STEAP2: variants seen among roughly 807,000 people sequenced by gnomAD.
The protein encoded by STEAP2 is metalloreductase STEAP2.
In STEAP2, 30 loss-of-function variants were observed where a neutral mutation model predicts 46.4. That is an observed-to-expected ratio of 0.65 (90% CI 0.48 to 0.88). STEAP2 has a LOEUF of 0.88. Ranked by LOEUF, STEAP2 falls within the 40% of genes least tolerant of loss-of-function variation. The pLI is 0.00. For synonymous variants in STEAP2, 180 were observed against 200.5 expected (o/e 0.90, Z 0.86); for missense variants, 513 against 579.3 (o/e 0.89, Z 1.18).
intron 2 of STEAP2, among the ~76,000 whole-genome samples, chr7:90,219,140 G>T (rs1051292180): frequency 6.6e-6 from 1 of 151,826 alleles, no homozygotes; most frequent in Non-Finnish European, 1.5e-5. Context: ...TTTGTATCCT[G>T]CAACTTTATT....
In STEAP2 at chr7:90,227,077, A is replaced by G. The variant is rs1795524496; in HGVS notation, c.599A>G (p.Glu200Gly). 2 of 1,613,672 alleles carry G rather than the reference A, an allele frequency of 1.2e-6. No homozygotes were observed. The highest frequency in any genetic ancestry group is 1.7e-6 in the Non-Finnish European group (2 of 1,179,854). ...IDLGSLSSAR[E>G]IENLPLRLFT... ...TTGGGATCCTTATCATCAGCCAGAG[A>G]GATTGAAAATTTACCCCTACGACTC... Residue 200 changes from glutamate to glycine, a missense_variant, in exon 4 of 6, where the codon GAG (glutamate) becomes GGG (glycine). Coordinates refer to ENST00000394621, the MANE Select transcript of STEAP2 (RefSeq NM_001244944.2).
At position 90,225,299 on chromosome 7, in the gene STEAP2, G is replaced by GTGGT; in HGVS notation, c.218_221dup (p.Asp75GlyfsTer7). ...GTTTGCTTCTGAATTTTTTCCTCAT[G>GTGGT]TGGTAGATGTCACTCATCATGAAGA... On this transcript the variant is annotated frameshift_variant, in exon 3 of 6. Coordinates refer to ENST00000394621, the MANE Select transcript of STEAP2 (RefSeq NM_001244944.2). LOFTEE classifies it high-confidence loss of function. 6.2e-7 allele frequency: 1 copy of GTGGT among 1,614,002 alleles called. No individual in the cohort carries two copies. Among genetic ancestry groups the GTGGT allele is most frequent in the Non-Finnish European group, 8.5e-7 (1 of 1,179,960 alleles).
In STEAP2 at chr7:90,227,276, G is replaced by T; in HGVS notation, c.798G>T (p.Leu266Phe). The T allele has an allele frequency of 6.2e-7, 1 of 1,613,768 alleles. No individual in the cohort carries two copies. Among genetic ancestry groups the T allele is most frequent in the Non-Finnish European group, 8.5e-7 (1 of 1,179,812 alleles). The change falls in exon 4 of 6, where the codon TTG becomes TTT. Residue 266 changes from leucine to phenylalanine, a missense_variant. Physicochemically the swap from Leu to Phe is conservative, Grantham distance 22. Coordinates refer to ENST00000394621, the MANE Select transcript of STEAP2 (RefSeq NM_001244944.2). Reference sequence around the variant, plus strand: ...CCTTACCTATAGTTGCCATTACTTTGCTCTCCCTAGTATACCTCGCAGGTC... The same window carrying T: ...CCTTACCTATAGTTGCCATTACTTTTCTCTCCCTAGTATACCTCGCAGGTC... ...NKTLPIVAIT[L>F]LSLVYLAGLL...
chr7:90,233,777 G>A lies in STEAP2; in HGVS notation c.*1153G>A, dbSNP rs947737083. The A allele has an allele frequency of 7.1e-6, 7 of 985,194 alleles. No individual in the cohort carries two copies. Among genetic ancestry groups the A allele is most frequent in the South Asian group, 4.7e-5 (1 of 21,280 alleles). 61.0% of individuals were successfully genotyped at this position (985,194 alleles called of 1,614,324 possible). A position where few individuals can be genotyped will look rare whatever the true frequency, so the allele number is the denominator to read the frequency against. On this transcript the variant is annotated 3_prime_UTR_variant, in exon 6 of 6. Coordinates refer to ENST00000394621, the MANE Select transcript of STEAP2 (RefSeq NM_001244944.2). ...ACCACTAGGCTCTAGAGCTCCCGCC[G>A]CGCCCCTATGCATTATGTTCACAAT...
intron 3 of STEAP2, 30 bp downstream of exon 3, chr7:90,225,604 A>G (rs1795455561): frequency 2.6e-6 from 4 of 1,529,142 alleles, no homozygotes; most frequent in East Asian, 2.3e-5. Flanking sequence ...ATTCTTATGT[A>G]TCTGGTATTT....
At chr7:90,217,639 T>G (rs1795076485) in intron 2 of STEAP2, among the ~76,000 whole-genome samples, 2 of 151,620 alleles carry the variant, frequency 1.3e-5, no homozygotes, top group Admixed American at 1.3e-4. Flanking sequence ...ATACCACATT[T>G]TCTTTATCCA....
rs1211454301 is a variant in STEAP2 at position 90,227,314 on chromosome 7, C to T, written c.836C>T (p.Ala279Val). The T allele has an allele frequency of 1.2e-6, 2 of 1,613,898 alleles. No homozygotes were observed. Among genetic ancestry groups the T allele is most frequent in the Non-Finnish European group, 1.7e-6 (2 of 1,179,842 alleles). ...LVYLAGLLAA[A>V]YQLYYGTKYR... is the part of the protein sequence containing the mutation. ...TACCTCGCAGGTCTTCTGGCAGCTG[C>T]TTATCAACTTTATTACGGCACCAAG... The change falls in exon 4 of 6, where the codon GCT becomes GTT. Residue 279 changes from alanine to valine, a missense_variant. Physicochemically the swap from Ala to Val is moderately conservative, Grantham distance 64 (BLOSUM62 0). Coordinates refer to ENST00000394621, the MANE Select transcript of STEAP2 (RefSeq NM_001244944.2).
intron 5 of STEAP2, among the ~76,000 whole-genome samples, chr7:90,230,731 C>T (rs751838073): frequency 3.9e-5 from 6 of 151,924 alleles, no homozygotes; most frequent in African/African-American, 7.2e-5. Context: ...TAGACCCTTC[C>T]TATATTTTCA....
Position 90,227,086 on chromosome 7 carries a change from A to C in STEAP2, c.608A>C (p.Asn203Thr). Residue 203 changes from asparagine to threonine, a missense_variant, in exon 4 of 6, where the codon AAT (asparagine) becomes ACT (threonine). Physicochemically the swap from Asn to Thr is moderately conservative, Grantham distance 65 (BLOSUM62 0). Coordinates refer to ENST00000394621, the MANE Select transcript of STEAP2 (RefSeq NM_001244944.2). ...GSLSSAREIE[N>T]LPLRLFTLWR... Reference sequence around the variant, plus strand: ...TTATCATCAGCCAGAGAGATTGAAAATTTACCCCTACGACTCTTTACTCTC... The same window carrying C: ...TTATCATCAGCCAGAGAGATTGAAACTTTACCCCTACGACTCTTTACTCTC... 6.2e-7 allele frequency: 1 copy of C among 1,613,744 alleles called. No individual in the cohort carries two copies. Among genetic ancestry groups the C allele is most frequent in the South Asian group, 1.1e-5 (1 of 91,058 alleles).
In STEAP2 at chr7:90,225,087, A is replaced by G. The variant is rs1417443737; in HGVS notation, c.5A>G (p.Glu2Gly). The change falls in exon 3 of 6, where the codon GAA (glutamate) becomes GGA (glycine). Residue 2 changes from glutamate (E) to glycine (G), a missense_variant. Glu to Gly is a moderately conservative substitution (Grantham distance 98, BLOSUM62 -2). Coordinates refer to ENST00000394621, the MANE Select transcript of STEAP2 (RefSeq NM_001244944.2). M[E>G]SISMMGSPKS... is the part of the protein sequence containing the mutation. ...GATCTTGGAAGTGTCCGTATCATGG[A>G]ATCAATCTCTATGATGGGAAGCCCT... 2 of 1,612,942 alleles carry G rather than the reference A, an allele frequency of 1.2e-6. No homozygotes were observed. Among genetic ancestry groups the G allele is most frequent in the African/African-American group, 1.3e-5 (1 of 74,986 alleles).
chr7:90,214,763 GTTTAGAATTATCAGTGTGAATA>G (rs1473102970), intron 1 of STEAP2, among the ~76,000 whole-genome samples: 1 of 152,142 alleles, frequency 6.6e-6, no homozygotes, highest in East Asian at 1.9e-4. Context: ...TTCTTTTGCT[GTTTAGAATTATCAGTGTGAATA>G]TTTAAACTAA....
In STEAP2 at chr7:90,230,298, GA is replaced by G. The variant is rs146827619; in HGVS notation, c.1185+272del. On this transcript the variant is annotated intron_variant, in intron 5 of 5. Coordinates refer to ENST00000394621, the MANE Select transcript of STEAP2 (RefSeq NM_001244944.2). ...AGAACAAAAAAGTTATCTTAAAAGAGAAAAAAAAAATGAAAGTTGGGAAGGA... is the reference window on the plus strand; with the variant it reads ...AGAACAAAAAAGTTATCTTAAAAGAGAAAAAAAAATGAAAGTTGGGAAGGA... Among the ~76,000 whole-genome samples the G allele has an allele frequency of 9.1e-3, 1,322 of 145,890 alleles. 21 individuals carry two copies. The highest frequency in any genetic ancestry group is 0.031 in the African/African-American group (1,243 of 39,944).
chr7:90,213,291 G>C (rs566761152), intron 1 of STEAP2, among the ~76,000 whole-genome samples: 2 of 152,254 alleles, frequency 1.3e-5, no homozygotes, highest in South Asian at 4.2e-4. Flanking sequence ...TGGAAAATGT[G>C]GTGAATGAAC....
chr7:90,232,358 C>G lies in STEAP2; in HGVS notation c.1207C>G (p.Leu403Val), dbSNP rs1270587562. ...CAAGTCTACACTTGGATATGTCGCT[C>G]TGCTCATAAGTACTTTCCATGTTTT... ...FIQSTLGYVA[L>V]LISTFHVLIY... Residue 403 changes from leucine (L) to valine (V), a missense_variant, in exon 6 of 6, where the codon CTG becomes GTG. Transcript: ENST00000394621. 6.2e-7 allele frequency: 1 copy of G among 1,607,882 alleles called. No homozygotes were observed. Among genetic ancestry groups the G allele is most frequent in the East Asian group, 2.2e-5 (1 of 44,824 alleles).
chr7:90,214,648 G>C (rs531643729), intron 1 of STEAP2, among the ~76,000 whole-genome samples: 11 of 151,874 alleles, frequency 7.2e-5, no homozygotes, highest in African/African-American at 2.7e-4. Flanking sequence ...ATCTTTTTAA[G>C]GGAGTGACTA....
chr7:90,233,421 G>A lies in STEAP2; in HGVS notation c.*797G>A. ...TACCAATCCTAGGAACTGTATACTA[G>A]TTCCTACTTAGAACAAAAGTATCAA... On this transcript the variant is annotated 3_prime_UTR_variant, in exon 6 of 6. Coordinates refer to ENST00000394621, the MANE Select transcript of STEAP2 (RefSeq NM_001244944.2). The A allele has an allele frequency of 1.0e-6, 1 of 985,318 alleles. No individual in the cohort carries two copies. The highest frequency in any genetic ancestry group is 1.2e-6 in the Non-Finnish European group (1 of 829,902). The allele number at this position is 985,318 out of a possible 1,614,324, so 61.0% of individuals were successfully genotyped here.
intron 4 of STEAP2, among the ~76,000 whole-genome samples, chr7:90,228,340 C>T (rs1458760000): frequency 6.6e-6 from 1 of 151,370 alleles, no homozygotes; most frequent in African/African-American, 2.4e-5. Flanking sequence ...CTTGTTTCAA[C>T]AATAAAACCT....
intron 1 of STEAP2, chr7:90,215,878 T>C (rs1794991753): frequency 6.6e-6 from 1 of 152,210 alleles, no homozygotes; most frequent in South Asian, 2.1e-4. Context: ...GTTCAAGCGA[T>C]TCTCCTTCCT....
intron 2 of STEAP2, among the ~76,000 whole-genome samples, chr7:90,219,060 C>G (rs1255239600): frequency 5.3e-5 from 8 of 151,066 alleles, no homozygotes; most frequent in Non-Finnish European, 1.0e-4. Context: ...AATGGGATTG[C>G]CTTCTTGGTG....
Sources: gnomAD v4.1 joint callset for allele counts (sites outside exome capture counted in the v4.1 genomes callset) on GRCh38, gnomAD v4.1.1 for gene constraint, MANE v1.5 for transcripts, NCBI Gene and HGNC (gene_info 2026-07-23, HGNC 2026-07-21) for gene names.